The following MCUB variants were observed in gnomAD, a reference collection of about 807,000 sequenced individuals.
MCUB encodes mitochondrial calcium uniporter dominant negative subunit beta, also known as calcium uniporter regulatory subunit MCUb, mitochondrial.
MCUB carries 46 observed loss-of-function variants against 41.4 expected under a neutral mutation model. The observed-to-expected ratio is 1.11, with a 90% CI of 0.88 to 1.42. MCUB has a LOEUF of 1.42. Among genes scored for constraint, MCUB ranks in the 40% most tolerant of loss-of-function variants. MCUB has a pLI of 0.00. For synonymous variants in MCUB, 148 were observed against 148.2 expected, an observed-to-expected ratio of 1.00 and a Z score of 0.01; for missense variants, 403 against 404.9, an observed-to-expected ratio of 1.00 and a Z score of 0.04.
intron 1 of MCUB, among the ~76,000 whole-genome samples, chr4:109,572,560 A>G (rs1191141024): frequency 6.6e-6 from 1 of 152,204 alleles, no homozygotes; most frequent in Non-Finnish European, 1.5e-5. Context: ...GTATCTCAGA[A>G]TAAAACGTGT....
rs1268136720 is a variant in MCUB, at chr4:109,630,890, G to GT, written c.100-28114dup. The stretch of plus-strand genomic sequence containing the variant: ...GCCACTGCGCCTGGCCTGCAAAATT[G>GT]TTTTTTTATTCTTGCATTAAATGTA... On this transcript the variant is annotated intron_variant, in intron 1 of 7. Transcript: ENST00000394650. 4.6e-5 allele frequency among the ~76,000 whole-genome samples: 7 copies of GT among 152,146 alleles called. No homozygotes were observed. In the South Asian group the frequency reaches 8.3e-4, roughly 18 times the overall value.
In MCUB at chr4:109,673,846, T is replaced by G. The variant is rs1005985220; in HGVS notation, c.452-8736T>G. On this transcript the variant is annotated intron_variant, in intron 4 of 7. Transcript: ENST00000394650. ...GGAGATTCTTCAAGCAATCACTATG[T>G]CAGCAGACACAGGTGTTTCTCTTCC... is the stretch of plus-strand genomic sequence containing the variant. 2.2e-5 allele frequency: 17 copies of G among 756,226 alleles called. 1 individual carries two copies. The highest frequency in any genetic ancestry group is 4.2e-5 in the Non-Finnish European group (17 of 407,756). 46.8% of individuals were successfully genotyped at this position (756,226 alleles called of 1,614,324 possible).
chr4:109,666,094 T>C (rs1729341097), intron 4 of MCUB, among the ~76,000 whole-genome samples: 1 of 152,212 alleles, frequency 6.6e-6, no homozygotes, highest in South Asian at 2.1e-4. Flanking sequence ...TTTCACTTAG[T>C]AATATGCATT....
chr4:109,637,625 A>T (rs1392356770), intron 1 of MCUB, among the ~76,000 whole-genome samples: 7 of 152,218 alleles, frequency 4.6e-5, no homozygotes, highest in Non-Finnish European at 1.5e-5. Flanking sequence ...ATTGTAGACT[A>T]ATACTCTAAG....
chr4:109,617,141 A>G lies in MCUB; in HGVS notation c.100-41870A>G, dbSNP rs115376642. ...GTTTTACATAATAATGATTTATGCA[A>G]ATTAATAGACCCAATTTGCCTCAAC... is the stretch of plus-strand genomic sequence containing the variant. On this transcript the variant is annotated intron_variant, in intron 1 of 7. Transcript: ENST00000394650. Among the ~76,000 whole-genome samples the G allele has an allele frequency of 3.9e-3, 596 of 152,316 alleles. 6 individuals are homozygous for G. Among genetic ancestry groups the G allele is most frequent in the Non-Finnish European group, 4.1e-3 (281 of 68,040 alleles).
rs1729896504 is a variant in MCUB, at chr4:109,688,198, G to A, written c.*606G>A. Reference sequence around the variant, plus strand: ...CAAATCACAAGTTTCAGGTATCGAAGCCAAAACAGTTAACTTTCTTCAGCC... The same window carrying A: ...CAAATCACAAGTTTCAGGTATCGAAACCAAAACAGTTAACTTTCTTCAGCC... On this transcript the variant is annotated 3_prime_UTR_variant, in exon 8 of 8. Transcript: ENST00000394650. The A allele has an allele frequency of 6.6e-6, 1 of 152,174 alleles. No individual in the cohort carries two copies. The allele number at this position is 152,174 out of a possible 1,614,324, so 9.4% of individuals were successfully genotyped here.
At chr4:109,673,812 TCGC>T in intron 4 of MCUB, 1 of 661,446 alleles carries the variant, frequency 1.5e-6, no homozygotes, top group Non-Finnish European at 2.7e-6. Context: ...AGAGGTTTTT[TCGC>T]TCTAGGGAGA....
At position 109,670,621 on chromosome 4, in the gene MCUB, C is replaced by T. The variant is rs142069065; in HGVS notation, c.451+6227C>T. 3.6e-3 allele frequency among the ~76,000 whole-genome samples: 548 copies of T among 151,588 alleles called. 6 individuals carry two copies. The highest frequency in any genetic ancestry group is 0.013 in the East Asian group (68 of 5,148). ...ATCACAGGTACTCGGGAGGCTGAGG[C>T]AGGAGAATCGCTTGAACCCGGAAGG... On this transcript the variant is annotated intron_variant, in intron 4 of 7. Coordinates refer to ENST00000394650, the MANE Select transcript of MCUB (RefSeq NM_017918.5).
At chr4:109,667,467 C>T (rs1447440291) in intron 4 of MCUB, among the ~76,000 whole-genome samples, 2 of 151,524 alleles carry the variant, frequency 1.3e-5, no homozygotes, top group Non-Finnish European at 2.9e-5. Context: ...AACTTGTTGT[C>T]TCTTTTTTTC....
intron 1 of MCUB, among the ~76,000 whole-genome samples, chr4:109,587,674 A>T (rs977243056): frequency 6.6e-6 from 1 of 152,218 alleles, no homozygotes; most frequent in Admixed American, 6.5e-5. Flanking sequence ...TATTATCTTT[A>T]AAAAAAGGTT....
intron 1 of MCUB, among the ~76,000 whole-genome samples, chr4:109,653,879 A>T (rs1174406649): frequency 6.6e-6 from 1 of 152,016 alleles, no homozygotes; most frequent in Admixed American, 6.6e-5. Context: ...CCAGCCTAAG[A>T]TGGGCTTTTT....
At chr4:109,638,226 G>T (rs920127965) in intron 1 of MCUB, among the ~76,000 whole-genome samples, 5 of 152,056 alleles carry the variant, frequency 3.3e-5, no homozygotes, top group African/African-American at 9.7e-5. Context: ...ACATGGTGGC[G>T]CATGCCTGTA....
At chr4:109,599,397 C>G (rs1345240152) in intron 1 of MCUB, among the ~76,000 whole-genome samples, 1 of 151,882 alleles carries the variant, frequency 6.6e-6, no homozygotes, top group Non-Finnish European at 1.5e-5. Flanking sequence ...AACTTTGCAA[C>G]CTTTACTCTT....
At chr4:109,682,998 A>C in intron 5 of MCUB, 1 of 322,130 alleles carries the variant, frequency 3.1e-6, no homozygotes. Flanking sequence ...GCCATCTTAA[A>C]CTCTATGCCA....
intron 3 of MCUB, among the ~76,000 whole-genome samples, chr4:109,661,163 T>TA (rs141360768): frequency 6.6e-6 from 1 of 152,318 alleles, no homozygotes; most frequent in Non-Finnish European, 1.5e-5. Flanking sequence ...TGTCATCACT[T>TA]AGACATTTAA....
intron 1 of MCUB, among the ~76,000 whole-genome samples, chr4:109,616,563 T>G (rs978620912): frequency 2.0e-5 from 3 of 152,208 alleles, no homozygotes; most frequent in African/African-American, 7.2e-5. Context: ...CCTGACACTT[T>G]AAACATGTTT....
In MCUB at chr4:109,682,599, C is replaced by G; in HGVS notation, c.469C>G (p.His157Asp). 1.2e-6 allele frequency: 2 copies of G among 1,608,986 alleles called. No individual in the cohort carries two copies. Among genetic ancestry groups the G allele is most frequent in the East Asian group, 4.5e-5 (2 of 44,738 alleles). The change falls in exon 5 of 8, where the codon CAC (histidine) becomes GAC (aspartate). Residue 157 changes from histidine to aspartate, a missense_variant. Transcript: ENST00000394650. Reference protein sequence around the residue: ...CPKREKPSNEHTAEMEHMKSL... With the variant: ...CPKREKPSNEDTAEMEHMKSL... The stretch of plus-strand genomic sequence containing the variant: ...TTTCTCAGAAAAACCAAGTAATGAG[C>G]ACACTGCTGAGATGGAACACATGAA...
chr4:109,626,773 A>C (rs1444821508), intron 1 of MCUB, among the ~76,000 whole-genome samples: 1 of 13,146 alleles, frequency 7.6e-5, no homozygotes, highest in Non-Finnish European at 1.5e-4. Flanking sequence ...AGATCATGCC[A>C]TTGTGCCATT....
At chr4:109,627,105 G>A (rs1728377637) in intron 1 of MCUB, among the ~76,000 whole-genome samples, 1 of 152,044 alleles carries the variant, frequency 6.6e-6, no homozygotes, top group South Asian at 2.1e-4. Context: ...GGGATATTTA[G>A]TTTTCAGTTC....
Sources: allele counts gnomAD v4.1 joint callset (sites outside exome capture counted in the v4.1 genomes callset), GRCh38; gene constraint gnomAD v4.1.1; transcripts MANE v1.5; gene names NCBI Gene and HGNC (gene_info 2026-07-23, HGNC 2026-07-21).